SLC14A2: variants seen among roughly 807,000 people sequenced by gnomAD.
SLC14A2 encodes the protein urea transporter 2.
A neutral mutation model predicts 104.6 loss-of-function variants in SLC14A2; 91 were observed. The observed-to-expected ratio is 0.87, with a 90% CI of 0.73 to 1.04. SLC14A2 has a LOEUF of 1.04. SLC14A2 is among the 50% of genes least tolerant of loss of function. SLC14A2 has a pLI of 0.00. For synonymous variants in SLC14A2, 476 were observed against 466.4 expected (o/e 1.02, Z -0.27); for missense variants, 1,189 against 1,156.0 (o/e 1.03, Z -0.41).
At chr18:45,200,559 G>GT in the SLC14A2 span, among the ~76,000 whole-genome samples, 20 of 152,066 alleles carry the variant, frequency 1.3e-4, no homozygotes, top group Admixed American at 1.0e-3. Context: ...CATAGAATTT[G>GT]TTTTTTTCAT....
chr18:45,363,293 T>G (rs918999033), intron 1 of SLC14A2, among the ~76,000 whole-genome samples: 1 of 152,156 alleles, frequency 6.6e-6, no homozygotes, highest in Admixed American at 6.5e-5. Context: ...CATTCAGGCC[T>G]TCTTTCAATA....
intron 2 of SLC14A2, among the ~76,000 whole-genome samples, chr18:45,544,896 G>A (rs1417118145): frequency 6.7e-6 from 1 of 148,434 alleles, no homozygotes; most frequent in Non-Finnish European, 1.5e-5. Context: ...GGGTTCAAGT[G>A]ATTCTCCTGC....
intron 2 of SLC14A2, among the ~76,000 whole-genome samples, chr18:45,544,391 C>T (rs1183798050): frequency 3.3e-5 from 5 of 152,210 alleles, no homozygotes; most frequent in Non-Finnish European, 7.3e-5. Flanking sequence ...CTCTCTCCCA[C>T]TCATTAAGTG....
chr18:45,284,808 G>A (rs1305566597), intron 1 of SLC14A2, among the ~76,000 whole-genome samples: 1 of 152,108 alleles, frequency 6.6e-6, no homozygotes, highest in African/African-American at 2.4e-5. Flanking sequence ...TTAGTGCATC[G>A]ATGAACTAGA....
chr18:45,481,864 A>T (rs951320243), intron 1 of SLC14A2, among the ~76,000 whole-genome samples: 2 of 152,214 alleles, frequency 1.3e-5, no homozygotes, highest in African/African-American at 4.8e-5. Context: ...TTTCAAAACA[A>T]TGGTACTTTG....
At chr18:45,673,594 G>A (rs1245213431) in intron 17 of SLC14A2, 89 bp from the exon 18 acceptor site, 16 of 1,429,700 alleles carry the variant, frequency 1.1e-5, no homozygotes, top group South Asian at 4.0e-5. Context: ...AACTGGCTCC[G>A]GGCTTTGAGG....
intron 10 of SLC14A2, among the ~76,000 whole-genome samples, chr18:45,644,924 G>A (rs939773077): frequency 1.3e-5 from 2 of 152,088 alleles, no homozygotes; most frequent in African/African-American, 2.4e-5. Flanking sequence ...AGGTATATAT[G>A]TGCCATGGTG....
intron 2 of SLC14A2, among the ~76,000 whole-genome samples, chr18:45,548,486 T>C (rs2044007339): frequency 6.6e-6 from 1 of 152,172 alleles, no homozygotes; most frequent in Admixed American, 6.5e-5. Flanking sequence ...GGTGGATTAC[T>C]TGAGTGCACG....
At chr18:45,443,711 C>T (rs2086718903) in intron 1 of SLC14A2, among the ~76,000 whole-genome samples, 1 of 151,932 alleles carries the variant, frequency 6.6e-6, no homozygotes, top group Non-Finnish European at 1.5e-5. Context: ...GAATGAGAGG[C>T]AGAGAGAGGA....
chr18:45,556,281 A>T (rs898509877), intron 2 of SLC14A2, among the ~76,000 whole-genome samples: 3 of 152,178 alleles, frequency 2.0e-5, no homozygotes. Flanking sequence ...CAACATGCAG[A>T]CCACAGAAAC....
At chr18:45,356,772 T>C (rs1216915362) in intron 1 of SLC14A2, among the ~76,000 whole-genome samples, 2 of 152,136 alleles carry the variant, frequency 1.3e-5, no homozygotes, top group Admixed American at 6.5e-5. Flanking sequence ...TCAGAAACTC[T>C]GGGTAGTGTC....
At chr18:45,636,595 T>A (rs1258985574) in intron 5 of SLC14A2, among the ~76,000 whole-genome samples, 1 of 152,232 alleles carries the variant, frequency 6.6e-6, no homozygotes, top group Non-Finnish European at 1.5e-5. Flanking sequence ...ATCAGAGCCT[T>A]GAACAATAGT....
intron 1 of SLC14A2, among the ~76,000 whole-genome samples, chr18:45,316,091 T>C (rs570760666): frequency 6.6e-6 from 1 of 152,244 alleles, no homozygotes; most frequent in East Asian, 1.9e-4. Context: ...CCACACCCTA[T>C]GCCATTTGTG....
intron 1 of SLC14A2, among the ~76,000 whole-genome samples, chr18:45,350,751 G>A (rs574916867): frequency 7.6e-4 from 115 of 151,040 alleles, no homozygotes; most frequent in Non-Finnish European, 1.2e-3. Context: ...TTTATCACAA[G>A]GAAAAGATTT....
At chr18:45,223,527 C>T (rs992199522) in intron 1 of SLC14A2, among the ~76,000 whole-genome samples, 2 of 152,196 alleles carry the variant, frequency 1.3e-5, no homozygotes, top group Admixed American at 1.3e-4. Flanking sequence ...AGAGAGGAAA[C>T]TCACTCTCAG....
intron 1 of SLC14A2, among the ~76,000 whole-genome samples, chr18:45,261,939 G>A (rs973723761): frequency 6.6e-6 from 1 of 152,090 alleles, no homozygotes. Context: ...GGGATGGCTG[G>A]GTCAAATGGT....
Position 45,679,384 on chromosome 18 carries a change from T to C in SLC14A2, c.2562+360T>C, listed in dbSNP as rs564402999. On this transcript the variant is annotated intron_variant, in intron 19 of 19. Transcript: ENST00000255226. Reference sequence around the variant, plus strand: ...TAGCTAGCTTGTGAGCCAGCATATATCTTTGCCCCACGGCAACTAACTAGC... The same window carrying C: ...TAGCTAGCTTGTGAGCCAGCATATACCTTTGCCCCACGGCAACTAACTAGC... 9.8e-5 allele frequency among the ~76,000 whole-genome samples: 15 copies of C among 152,358 alleles called. 1 individual carries two copies. In the South Asian group the frequency reaches 2.7e-3, roughly 27 times the overall value.
chr18:45,245,825 G>A (rs980463521), intron 1 of SLC14A2, among the ~76,000 whole-genome samples: 3 of 152,150 alleles, frequency 2.0e-5, no homozygotes, highest in African/African-American at 2.4e-5. Flanking sequence ...CATGTATTGA[G>A]TTCTGTTGAA....
intron 2 of SLC14A2, among the ~76,000 whole-genome samples, chr18:45,540,351 C>A (rs920411677): frequency 6.6e-6 from 1 of 152,158 alleles, no homozygotes; most frequent in Admixed American, 6.5e-5. Flanking sequence ...ACCCCCAGTG[C>A]GCGGGGCTGC....
Sources: allele counts gnomAD v4.1 joint callset (sites outside exome capture counted in the v4.1 genomes callset), GRCh38; gene constraint gnomAD v4.1.1; transcripts MANE v1.5; gene names NCBI Gene and HGNC (gene_info 2026-07-23, HGNC 2026-07-21).